RIPOR3: variants seen among roughly 807,000 people sequenced by gnomAD.
The protein encoded by RIPOR3 is RIPOR family member 3.
RIPOR3 carries 95 observed loss-of-function variants against 114.3 expected under a neutral mutation model. The observed-to-expected ratio is 0.83, with a 90% CI of 0.70 to 0.99. The LOEUF (loss-of-function observed/expected upper bound fraction) is 0.99, where lower values mean the gene tolerates loss of function less well. Among genes scored for constraint, RIPOR3 ranks in the 50% least tolerant of loss-of-function variants. The pLI is 0.00. For missense variants in RIPOR3, 1,252 were observed against 1,266.9 expected (o/e 0.99, Z 0.18); for synonymous variants, 575 against 543.8 (o/e 1.06, Z -0.80).
chr20:50,599,720 T>G lies in RIPOR3; in HGVS notation c.1660-2010A>C, dbSNP rs145957581. The stretch of plus-strand genomic sequence containing the variant: ...TGACCTCAGCTGGGAATGTGTGCTT[T>G]GAGCAGCTCAGATTTTCTATCACTC... On this transcript the variant is annotated intron_variant, in intron 13 of 21. Coordinates refer to ENST00000327979, the MANE Select transcript of RIPOR3 (RefSeq NM_001290268.2). Among the ~76,000 whole-genome samples the G allele has an allele frequency of 7.7e-3, 1,166 of 152,300 alleles. 7 individuals are homozygous for G. Among genetic ancestry groups the G allele is most frequent in the Non-Finnish European group, 0.013 (907 of 68,022 alleles).
chr20:50,637,700 C>T (rs947267646), intron 1 of RIPOR3, among the ~76,000 whole-genome samples: 1 of 151,950 alleles, frequency 6.6e-6, no homozygotes, highest in African/African-American at 2.4e-5. Context: ...CATGGTGAAA[C>T]CCCATCTGTA....
At chr20:50,681,558 G>T (rs943595000) in intron 1 of RIPOR3, among the ~76,000 whole-genome samples, 5 of 152,176 alleles carry the variant, frequency 3.3e-5, no homozygotes, top group African/African-American at 9.7e-5. Context: ...TAACCTCTCT[G>T]TTCCTCAGTT....
chr20:50,602,314 A>G lies in RIPOR3; in HGVS notation c.1417T>C (p.Trp473Arg), dbSNP rs776193130. 6.2e-7 allele frequency: 1 copy of G among 1,613,866 alleles called. No homozygotes were observed. The highest frequency in any genetic ancestry group is 8.5e-7 in the Non-Finnish European group (1 of 1,179,952). The part of the protein sequence containing the change: ...SGGPFAEQPG[W>R]RNLGGESPSL... ...GGGCTCTCCCCTCCTAAGTTCCTCC[A>G]GCCAGGCTGCTCTGCAAACGGGCCT... The change falls in exon 13 of 22, where the codon TGG becomes CGG. Residue 473 changes from tryptophan to arginine, a missense_variant. Transcript: ENST00000327979. This position sits in a 1 kb window ranked among gnomAD's most constrained non-coding sequence, Gnocchi z 4.3.
intron 2 of RIPOR3, among the ~76,000 whole-genome samples, chr20:50,627,696 T>C (rs2084672413): frequency 6.6e-6 from 1 of 151,854 alleles, no homozygotes; most frequent in Admixed American, 6.6e-5. Flanking sequence ...AAAAAAAATT[T>C]TGGGAGGCTG....
intron 4 of RIPOR3, among the ~76,000 whole-genome samples, chr20:50,615,382 G>A (rs558343237): frequency 3.2e-4 from 49 of 152,012 alleles, no homozygotes; most frequent in African/African-American, 1.1e-3. Context: ...AAAATTAGCT[G>A]GGCATGGTGG....
At chr20:50,642,112 G>A (rs1453728789) in intron 1 of RIPOR3, among the ~76,000 whole-genome samples, 1 of 152,128 alleles carries the variant, frequency 6.6e-6, no homozygotes, top group Non-Finnish European at 1.5e-5. Flanking sequence ...TACTCTTAGG[G>A]GTGGGGCTTT....
chr20:50,634,721 A>G (rs1360974975), intron 1 of RIPOR3, among the ~76,000 whole-genome samples: 2 of 152,226 alleles, frequency 1.3e-5, no homozygotes, highest in Non-Finnish European at 2.9e-5. Flanking sequence ...AAAGATGGAC[A>G]AATGTTTTCT....
At chr20:50,598,493 C>T (rs2122945803) in intron 13 of RIPOR3, among the ~76,000 whole-genome samples, 1 of 152,206 alleles carries the variant, frequency 6.6e-6, no homozygotes, top group Middle Eastern at 3.4e-3. Context: ...AACCAGGATC[C>T]TAACTGCGGA....
chr20:50,659,851 C>G (rs980759560), intron 1 of RIPOR3: 4 of 151,996 alleles, frequency 2.6e-5, no homozygotes, highest in African/African-American at 9.7e-5. Context: ...TCTCAGACAC[C>G]CTATCTCCAA....
chr20:50,628,878 T>C (rs1225788248), intron 2 of RIPOR3, among the ~76,000 whole-genome samples: 1 of 152,116 alleles, frequency 6.6e-6, no homozygotes, highest in Non-Finnish European at 1.5e-5. Context: ...GAAAGGTTAG[T>C]GAGCTGGGAG....
At chr20:50,619,334 G>A (rs999005171) in intron 3 of RIPOR3, among the ~76,000 whole-genome samples, 4 of 151,712 alleles carry the variant, frequency 2.6e-5, no homozygotes, top group Non-Finnish European at 5.9e-5. Context: ...CCAGCTAGTT[G>A]GGAGGCTGAG....
intron 11 of RIPOR3, among the ~76,000 whole-genome samples, chr20:50,607,276 C>T (rs2083757893): frequency 6.6e-6 from 1 of 152,094 alleles, no homozygotes; most frequent in South Asian, 2.1e-4. Flanking sequence ...AGAAGAACCC[C>T]CATGTGGAAC....
Position 50,608,402 on chromosome 20 carries a change from C to G in RIPOR3, c.943G>C (p.Glu315Gln). 6.2e-7 allele frequency: 1 copy of G among 1,613,986 alleles called. No homozygotes were observed. Among genetic ancestry groups the G allele is most frequent in the Non-Finnish European group, 8.5e-7 (1 of 1,179,926 alleles). The change falls in exon 11 of 22, where the codon GAG becomes CAG. Residue 315 changes from glutamate to glutamine, a missense_variant. Transcript: ENST00000327979. ...TELGTIKLQL[E>Q]VQWNPFDTES... The stretch of plus-strand genomic sequence containing the variant: ...GACGGGACTCACTTCCACTGCACCT[C>G]CAGCTGCAGCTTGATGGTACCCAAC...
At chr20:50,644,073 T>G (rs1050239623) in intron 1 of RIPOR3, among the ~76,000 whole-genome samples, 1 of 151,602 alleles carries the variant, frequency 6.6e-6, no homozygotes, top group African/African-American at 2.4e-5. Context: ...TGAGCCAGGA[T>G]TGTGCCACTG....
chr20:50,622,613 G>A (rs1252108760), intron 2 of RIPOR3, among the ~76,000 whole-genome samples: 2 of 152,084 alleles, frequency 1.3e-5, no homozygotes, highest in African/African-American at 4.8e-5. Context: ...AAGAGAGAAG[G>A]AACAGGCCCT....
intron 1 of RIPOR3, among the ~76,000 whole-genome samples, chr20:50,639,249 A>C (rs1474934779): frequency 6.6e-6 from 1 of 152,002 alleles, no homozygotes; most frequent in African/African-American, 2.4e-5. Flanking sequence ...CTCAAAAAAA[A>C]AAAACCTGAA....
At chr20:50,613,676 C>T (rs2084052799) in intron 4 of RIPOR3, among the ~76,000 whole-genome samples, 1 of 152,082 alleles carries the variant, frequency 6.6e-6, no homozygotes, top group Non-Finnish European at 1.5e-5. Context: ...GACATGGGAG[C>T]AGCTAAAACA....
Position 50,587,817 on chromosome 20 carries a change from TTTCC to T in RIPOR3, c.2733_2736del (p.Glu912ProfsTer11). On this transcript the variant is annotated frameshift_variant, in exon 21 of 22. Transcript: ENST00000327979. LOFTEE classifies it high-confidence loss of function. Reference sequence around the variant, plus strand: ...CACTTTTTACCGAACGACAGTGTGGTTTCCCGGGCTGCCGCCCGCACGGCCTCCA... The same window carrying T: ...CACTTTTTACCGAACGACAGTGTGGTCGGGCTGCCGCCCGCACGGCCTCCA... 1 of 1,614,186 alleles carries T rather than the reference TTTCC, an allele frequency of 6.2e-7. No homozygotes were observed. The highest frequency in any genetic ancestry group is 2.2e-5 in the East Asian group (1 of 44,878).
intron 13 of RIPOR3, among the ~76,000 whole-genome samples, chr20:50,598,294 C>G (rs2083370350): frequency 6.6e-6 from 1 of 152,038 alleles, no homozygotes; most frequent in Admixed American, 6.6e-5. Flanking sequence ...TTGGGGCCAC[C>G]AACCCGCCAC....
Sources: gnomAD v4.1 joint callset for allele counts (sites outside exome capture counted in the v4.1 genomes callset) on GRCh38, gnomAD v4.1.1 for gene constraint, Gnocchi (gnomAD v3.1) non-coding constraint, MANE v1.5 for transcripts, NCBI Gene and HGNC (gene_info 2026-07-23, HGNC 2026-07-21) for gene names.